The following TOR3A variants were observed in gnomAD, a reference collection of about 807,000 sequenced individuals.
The protein encoded by TOR3A is torsin family 3 member A.
Under a neutral mutation model 42.1 loss-of-function variants are expected in TOR3A, and 44 were observed. The ratio of observed to expected loss-of-function variants is 1.04; its 90% confidence interval spans 0.82 to 1.34. TOR3A has a LOEUF of 1.34. Among genes scored for constraint, TOR3A ranks in the 40% most tolerant of loss-of-function variants. The pLI, the probability that TOR3A is intolerant of heterozygous loss-of-function variation, is 0.00. For synonymous variants in TOR3A, 227 were observed against 213.2 expected (o/e 1.06, Z -0.57); for missense variants, 521 against 507.6 (o/e 1.03, Z -0.25).
rs1024574403 is a variant in TOR3A, at chr1:179,085,811, G to A, written c.557G>A (p.Arg186Gln). Residue 186 changes from arginine to glutamine, a missense_variant, in exon 3 of 6, where the codon CGG becomes CAG. Transcript: ENST00000367627. ...CGGATGCTGGTGGAGAACCTGTATC[G>A]GGACGGGCTGATGAGTGACTGTGTC... The part of the protein sequence containing the change: ...VARMLVENLY[R>Q]DGLMSDCVRM... 3.3e-5 allele frequency: 54 copies of A among 1,614,016 alleles called. No individual in the cohort carries two copies. Among genetic ancestry groups the A allele is most frequent in the South Asian group, 8.8e-5 (8 of 91,086 alleles).
In TOR3A at chr1:179,087,904, C is replaced by T; in HGVS notation, c.640-7C>T. On this transcript the variant is annotated splice_polypyrimidine_tract_variant and splice_region_variant and intron_variant, in intron 3 of 5. Transcript: ENST00000367627. ...ACTTCCCCAGCTGCTCCCTATATCC[C>T]GTGCAGGAGCAGCTGATGAGCCAGA... 6.4e-7 allele frequency: 1 copy of T among 1,566,010 alleles called. No individual in the cohort carries two copies. The highest frequency in any genetic ancestry group is 8.6e-7 in the Non-Finnish European group (1 of 1,157,742).
At chr1:179,092,969 T>C (rs1652632397) in intron 4 of TOR3A, among the ~76,000 whole-genome samples, 1 of 152,166 alleles carries the variant, frequency 6.6e-6, no homozygotes, top group Admixed American at 6.5e-5. Context: ...CACGCCACTG[T>C]ACTCCAATCT....
At chr1:179,089,844 C>T (rs995970261) in intron 4 of TOR3A, among the ~76,000 whole-genome samples, 1 of 152,156 alleles carries the variant, frequency 6.6e-6, no homozygotes, top group African/African-American at 2.4e-5. Flanking sequence ...TGAGTGTCTT[C>T]CTCCTCCCTC....
chr1:179,083,140 C>G (rs1276412832), intron 2 of TOR3A, 87 bp downstream of exon 2: 2 of 734,630 alleles, frequency 2.7e-6, no homozygotes, highest in Non-Finnish European at 4.1e-6. Flanking sequence ...AGGGACCTTT[C>G]GTCATCCTGC....
intron 4 of TOR3A, among the ~76,000 whole-genome samples, chr1:179,093,676 T>C (rs1652655497): frequency 6.6e-6 from 1 of 152,184 alleles, no homozygotes; most frequent in Non-Finnish European, 1.5e-5. Flanking sequence ...TGATGATCAC[T>C]ACTTGGTCTT....
intron 3 of TOR3A, among the ~76,000 whole-genome samples, chr1:179,086,124 G>A (rs543054384): frequency 1.2e-4 from 18 of 152,336 alleles, no homozygotes; most frequent in South Asian, 4.1e-4. Flanking sequence ...ACACTCGAGA[G>A]GCTGGACACT....
At chr1:179,089,845 C>T (rs1652529533) in intron 4 of TOR3A, among the ~76,000 whole-genome samples, 1 of 152,246 alleles carries the variant, frequency 6.6e-6, no homozygotes, top group East Asian at 1.9e-4. Flanking sequence ...GAGTGTCTTC[C>T]TCCTCCCTCT....
rs1557885907 is a variant in TOR3A at position 179,082,137 on chromosome 1, CG to C, written c.11del (p.Gly4ValfsTer98). 2 of 1,499,758 alleles carry C rather than the reference CG, an allele frequency of 1.3e-6. No homozygotes were observed. Among genetic ancestry groups the C allele is most frequent in the South Asian group, 2.5e-5 (2 of 78,750 alleles). 92.9% of individuals were successfully genotyped at this position (1,499,758 alleles called of 1,614,324 possible). On this transcript the variant is annotated frameshift_variant, in exon 1 of 6. Coordinates refer to ENST00000367627, the MANE Select transcript of TOR3A (RefSeq NM_022371.4). LOFTEE classifies it high-confidence loss of function. MLR[G>X]PWRQLWLFFL... Reference sequence around the variant, plus strand: ...GCAGCTCGGGGCCGGCCATGCTTCGCGGTCCGTGGCGCCAGCTTTGGCTCTT... The same window carrying C: ...GCAGCTCGGGGCCGGCCATGCTTCGCGTCCGTGGCGCCAGCTTTGGCTCTT...
intron 1 of TOR3A, 175 bp from the exon 2 acceptor site, chr1:179,082,765 C>G: frequency 2.8e-6 from 2 of 708,326 alleles, no homozygotes; most frequent in South Asian, 1.5e-5. Context: ...TGCCGTCTCC[C>G]TTGCTGCTTT....
chr1:179,082,531 GGGCAGCCTCCGC>G, intron 1 of TOR3A, 144 bp downstream of exon 1: 1 of 1,288,480 alleles, frequency 7.8e-7, no homozygotes, highest in East Asian at 2.5e-5. Flanking sequence ...CTGTGGGCGG[GGGCAGCCTCCGC>G]GGAGCAGGGA....
chr1:179,090,893 G>C (rs1442078344), intron 4 of TOR3A, among the ~76,000 whole-genome samples: 1 of 152,166 alleles, frequency 6.6e-6, no homozygotes, highest in East Asian at 1.9e-4. Flanking sequence ...CTGTTGTCAG[G>C]AAAAGGATAG....
chr1:179,087,963 T>C lies in TOR3A; in HGVS notation c.692T>C (p.Leu231Pro). 1 of 1,611,878 alleles carries C rather than the reference T, an allele frequency of 6.2e-7. No individual in the cohort carries two copies. The highest frequency in any genetic ancestry group is 8.5e-7 in the Non-Finnish European group (1 of 1,179,224). Reference protein sequence around the residue: ...RETQQLCHQTLFIFDEAEKLH... With the variant: ...RETQQLCHQTPFIFDEAEKLH... ...ACGCAGCAGCTCTGCCACCAGACCCTGTTCATCTTCGATGAAGCGGAGAAG... is the reference window on the plus strand; with the variant it reads ...ACGCAGCAGCTCTGCCACCAGACCCCGTTCATCTTCGATGAAGCGGAGAAG... Residue 231 changes from leucine (L) to proline (P), a missense_variant, in exon 4 of 6, where the codon CTG becomes CCG. Coordinates refer to ENST00000367627, the MANE Select transcript of TOR3A (RefSeq NM_022371.4).
At chr1:179,089,860 G>A (rs887238364) in intron 4 of TOR3A, among the ~76,000 whole-genome samples, 2 of 151,992 alleles carry the variant, frequency 1.3e-5, no homozygotes, top group Admixed American at 6.6e-5. Flanking sequence ...CCCTCTCCCC[G>A]AGACAGGGGT....
chr1:179,085,888 T>C lies in TOR3A; in HGVS notation c.634T>C (p.Tyr212His). 1 of 1,613,464 alleles carries C rather than the reference T, an allele frequency of 6.2e-7. No homozygotes were observed. Among genetic ancestry groups the C allele is most frequent in the Non-Finnish European group, 8.5e-7 (1 of 1,179,682 alleles). Residue 212 changes from tyrosine (Y) to histidine (H), a missense_variant, in exon 3 of 6, where the codon TAC becomes CAC. Coordinates refer to ENST00000367627, the MANE Select transcript of TOR3A (RefSeq NM_022371.4). Reference protein sequence around the residue: ...HFPHPKYVDLYKEQLMSQIRE... With the variant: ...HFPHPKYVDLHKEQLMSQIRE... ...TCCTCACCCCAAATATGTGGACCTG[T>C]ACAAGGTGAGGCCGACCAGGGCTGG...
At chr1:179,086,665 CAAAA>C (rs149541470) in intron 3 of TOR3A, among the ~76,000 whole-genome samples, 11 of 123,752 alleles carry the variant, frequency 8.9e-5, no homozygotes, top group Admixed American at 8.6e-5. Context: ...GACTCCATCT[CAAAA>C]AAAAAAAAAA....
Position 179,094,143 on chromosome 1 carries a change from C to G in TOR3A, c.869C>G (p.Ala290Gly). 6.2e-7 allele frequency: 1 copy of G among 1,614,100 alleles called. No individual in the cohort carries two copies. Among genetic ancestry groups the G allele is most frequent in the Non-Finnish European group, 8.5e-7 (1 of 1,179,996 alleles). The change falls in exon 5 of 6, where the codon GCT becomes GGT. Residue 290 changes from alanine to glycine, a missense_variant. Coordinates refer to ENST00000367627, the MANE Select transcript of TOR3A (RefSeq NM_022371.4). ...GAGGTGGTCCTAAAGTTGCTCAAGG[C>G]TGGATGGTCCCGGGAAGAAATTACG... is the stretch of plus-strand genomic sequence containing the variant. Reference protein sequence around the residue: ...INEVVLKLLKAGWSREEITME... With the variant: ...INEVVLKLLKGGWSREEITME...
chr1:179,091,083 T>C (rs189468355), intron 4 of TOR3A, among the ~76,000 whole-genome samples: 6 of 152,186 alleles, frequency 3.9e-5, no homozygotes, highest in African/African-American at 1.4e-4. Flanking sequence ...GATGACTGAG[T>C]CTATGTCTGT....
At position 179,095,615 on chromosome 1, in the gene TOR3A, A is replaced by G. The variant is rs781474125; in HGVS notation, c.*397A>G. 3.8e-6 allele frequency: 4 copies of G among 1,053,246 alleles called. No homozygotes were observed. The highest frequency in any genetic ancestry group is 4.6e-6 in the Non-Finnish European group (4 of 872,280). 65.2% of individuals were successfully genotyped at this position (1,053,246 alleles called of 1,614,324 possible). A position where few individuals can be genotyped will look rare whatever the true frequency, so the allele number is the denominator to read the frequency against. ...TGACACTCCAGATGGTCTCCTTAGC[A>G]TCTCAGCTCTTCTGCAAGGAAGAGC... On this transcript the variant is annotated 3_prime_UTR_variant, in exon 6 of 6. Coordinates refer to ENST00000367627, the MANE Select transcript of TOR3A (RefSeq NM_022371.4).
At chr1:179,094,880 A>G in intron 5 of TOR3A, 88 bp from the exon 6 acceptor site, 1 of 1,347,454 alleles carries the variant, frequency 7.4e-7, no homozygotes, top group Non-Finnish European at 1.1e-6. Flanking sequence ...CCTGTTTCAA[A>G]GAAACCAACA....
Sources: gnomAD v4.1 joint callset for allele counts (sites outside exome capture counted in the v4.1 genomes callset) on GRCh38, gnomAD v4.1.1 for gene constraint, MANE v1.5 for transcripts, NCBI Gene and HGNC (gene_info 2026-07-23, HGNC 2026-07-21) for gene names.